Variants in FHOD3 observed in about 807,000 individuals in gnomAD.
FHOD3 encodes FH1/FH2 domain-containing protein 3.
In FHOD3, 90 loss-of-function variants were observed where a neutral mutation model predicts 173.0. The ratio of observed to expected loss-of-function variants is 0.52; its 90% CI spans 0.44 to 0.62. The LOEUF is 0.62. Ranked by LOEUF, FHOD3 falls within the 20% of genes least tolerant of loss-of-function variation. The pLI, the probability that FHOD3 is intolerant of heterozygous loss-of-function variation, is 0.00. For synonymous variants in FHOD3, 828 were observed against 823.0 expected, an observed-to-expected ratio of 1.01 and a Z score of -0.10; for missense variants, 1,945 against 2,034.7, an observed-to-expected ratio of 0.96 and a Z score of 0.85.
rs545296803 is a variant in FHOD3, at chr18:36,582,249, C to T, written c.606+5704C>T. 2.0e-5 allele frequency among the ~76,000 whole-genome samples: 3 copies of T among 152,276 alleles called. No individual in the cohort carries two copies. In the South Asian group the frequency reaches 6.2e-4, roughly 32 times the overall value. On this transcript the variant is annotated intron_variant, in intron 6 of 28. Transcript: ENST00000590592. ...GCAAGGAGAGGAGATTCGGTGAGCC[C>T]TCTGGTCTTGGAGCCACTGGCATGT... is the stretch of plus-strand genomic sequence containing the variant.
intron 3 of FHOD3, among the ~76,000 whole-genome samples, chr18:36,409,576 A>G (rs1331747462): frequency 6.6e-6 from 1 of 151,996 alleles, no homozygotes; most frequent in Non-Finnish European, 1.5e-5. Flanking sequence ...TTTTTCTCTC[A>G]TGTCTGTGTT....
chr18:36,711,128 G>T (rs2040148276), intron 18 of FHOD3: 1 of 152,146 alleles, frequency 6.6e-6, no homozygotes, highest in East Asian at 1.9e-4. Context: ...TGATTTTTCT[G>T]CTTTGCTTCA....
intron 9 of FHOD3, among the ~76,000 whole-genome samples, chr18:36,618,801 T>C (rs942842027): frequency 3.9e-5 from 6 of 152,194 alleles, no homozygotes; most frequent in South Asian, 2.1e-4. Flanking sequence ...ATCACTGTTA[T>C]AGTAGCATCA....
At chr18:36,340,582 G>GT (rs33949867) in intron 1 of FHOD3, among the ~76,000 whole-genome samples, 74,350 of 144,468 alleles carry the variant, frequency 0.51, 19,404 homozygotes, top group East Asian at 0.66. Context: ...GCTTTCTCTT[G>GT]TTTTTTTTTT....
At chr18:36,530,964 C>T (rs1386041408) in intron 5 of FHOD3, among the ~76,000 whole-genome samples, 1 of 152,138 alleles carries the variant, frequency 6.6e-6, no homozygotes, top group Non-Finnish European at 1.5e-5. Flanking sequence ...TTTTCCTTGG[C>T]CTATTTCCAC....
At chr18:36,482,883 A>AGAGG (rs1363518646) in intron 3 of FHOD3, among the ~76,000 whole-genome samples, 1 of 149,566 alleles carries the variant, frequency 6.7e-6, no homozygotes, top group African/African-American at 2.5e-5. Flanking sequence ...AGAGAGAGAG[A>AGAGG]GAGAGAGAGA....
chr18:36,309,084 G>A (rs2092180094), intron 1 of FHOD3, among the ~76,000 whole-genome samples: 1 of 152,120 alleles, frequency 6.6e-6, no homozygotes, highest in African/African-American at 2.4e-5. Context: ...CCTGGATGGT[G>A]TGGGCATGCC....
rs1290987889 is a variant in FHOD3 at position 36,652,588 on chromosome 18, A to AG, written c.1308dup (p.Gln437AlafsTer46). On this transcript the variant is annotated frameshift_variant, in exon 12 of 29. Transcript: ENST00000590592. LOFTEE classifies it high-confidence loss of function. ...CCAACAGCAAGGTCGGCGCTGCCTC[A>AG]GGGCAGAGCCCCACTGGAAGGGATG... 1 of 1,532,828 alleles carries AG rather than the reference A, an allele frequency of 6.5e-7. No individual in the cohort carries two copies. Among genetic ancestry groups the AG allele is most frequent in the South Asian group, 1.2e-5 (1 of 83,918 alleles). 95.0% of individuals were successfully genotyped at this position (1,532,828 alleles called of 1,614,324 possible).
rs1167714756 is a variant in FHOD3 at position 36,683,371 on chromosome 18, T to C, written c.1970+1801T>C. On this transcript the variant is annotated intron_variant, in intron 15 of 28. Coordinates refer to ENST00000590592, the MANE Select transcript of FHOD3 (RefSeq NM_001281740.3). ...AAAACCTCTTGAAACAGGGTGCTGGTTCTGGGGAAAATGGAATTCATTCAC... is the reference window on the plus strand; with the variant it reads ...AAAACCTCTTGAAACAGGGTGCTGGCTCTGGGGAAAATGGAATTCATTCAC... 2.6e-5 allele frequency among the ~76,000 whole-genome samples: 4 copies of C among 152,174 alleles called. No homozygotes were observed. The East Asian group carries it at 7.7e-4, about 29-fold the overall frequency.
intron 1 of FHOD3, among the ~76,000 whole-genome samples, chr18:36,298,643 G>T (rs1483241744): frequency 1.3e-5 from 2 of 151,952 alleles, no homozygotes; most frequent in Admixed American, 6.5e-5. Context: ...AGGAGCAGTC[G>T]CTGTGGGAGG....
intron 8 of FHOD3, among the ~76,000 whole-genome samples, chr18:36,610,932 C>A (rs776618473): frequency 2.0e-5 from 3 of 152,200 alleles, no homozygotes; most frequent in Non-Finnish European, 4.4e-5. Context: ...AGGCGTTTAT[C>A]CTTCTCTCCC....
At chr18:36,508,392 C>A (rs577339022) in intron 4 of FHOD3, among the ~76,000 whole-genome samples, 1 of 151,984 alleles carries the variant, frequency 6.6e-6, no homozygotes, top group Non-Finnish European at 1.5e-5. Flanking sequence ...GTGGCTGATT[C>A]CAAGTCTGGA....
chr18:36,476,292 AG>A (rs902886941), intron 3 of FHOD3, among the ~76,000 whole-genome samples: 14 of 152,336 alleles, frequency 9.2e-5, no homozygotes, highest in South Asian at 6.2e-4. Context: ...CCTGAGAAGC[AG>A]GACCATCTTT....
At chr18:36,478,511 T>G (rs1247035134) in intron 3 of FHOD3, among the ~76,000 whole-genome samples, 1 of 27,458 alleles carries the variant, frequency 3.6e-5, no homozygotes, top group Non-Finnish European at 7.2e-5. Context: ...TTACTCATTC[T>G]TTCTATTTTT....
At chr18:36,709,435 C>T in intron 18 of FHOD3, 44 bp downstream of exon 18, 1 of 1,577,912 alleles carries the variant, frequency 6.3e-7, no homozygotes. Flanking sequence ...CCAGGGAGGC[C>T]TGGGGTGCAG....
At chr18:36,417,658 T>C (rs1359486809) in intron 3 of FHOD3, among the ~76,000 whole-genome samples, 1 of 152,232 alleles carries the variant, frequency 6.6e-6, no homozygotes, top group Non-Finnish European at 1.5e-5. Flanking sequence ...TCATATACCT[T>C]AGAAGCCTCT....
At chr18:36,316,707 G>C (rs1240734402) in intron 1 of FHOD3, among the ~76,000 whole-genome samples, 1 of 150,530 alleles carries the variant, frequency 6.6e-6, no homozygotes, top group Non-Finnish European at 1.5e-5. Flanking sequence ...GTTCCTTTTA[G>C]GGGTGGGCTT....
In FHOD3 at chr18:36,687,143, C is replaced by A; in HGVS notation, c.1986C>A (p.Asp662Glu). 1 of 1,611,006 alleles carries A rather than the reference C, an allele frequency of 6.2e-7. No individual in the cohort carries two copies. Among genetic ancestry groups the A allele is most frequent in the Non-Finnish European group, 8.5e-7 (1 of 1,177,798 alleles). The change falls in exon 16 of 29, where the codon GAC becomes GAA. Residue 662 changes from aspartate to glutamate, a missense_variant. Physicochemically the swap from Asp to Glu is conservative, Grantham distance 45 (BLOSUM62 2). Coordinates refer to ENST00000590592, the MANE Select transcript of FHOD3 (RefSeq NM_001281740.3). ...TTTCCATTAGCCGAGATTATTTAGA[C>A]AAAAGAGAGGAGCAAAGGCAAGCAA... ...ERNKFSRDYL[D>E]KREEQRQARE...
intron 5 of FHOD3, among the ~76,000 whole-genome samples, chr18:36,552,826 A>G (rs1215148820): frequency 1.3e-5 from 2 of 152,094 alleles, no homozygotes; most frequent in African/African-American, 2.4e-5. Flanking sequence ...CTCCTGCCTG[A>G]TTGCCCTGGC....
Sources: gnomAD v4.1 joint callset for allele counts (sites outside exome capture counted in the v4.1 genomes callset) on GRCh38, gnomAD v4.1.1 for gene constraint, MANE v1.5 for transcripts, NCBI Gene and HGNC (gene_info 2026-07-23, HGNC 2026-07-21) for gene names.